The following ICA1L variants were observed in gnomAD, a reference collection of about 807,000 sequenced individuals.
ICA1L encodes the protein islet cell autoantigen 1-like protein.
In ICA1L, 50 loss-of-function variants were observed where a neutral mutation model predicts 61.3. That is an observed-to-expected ratio of 0.82 (90% CI 0.65 to 1.03). The LOEUF (loss-of-function observed/expected upper bound fraction) is 1.03, where lower values mean the gene tolerates loss of function less well. Among genes scored for constraint, ICA1L ranks in the 50% least tolerant of loss-of-function variants. The pLI is 0.00. For missense variants in ICA1L, 508 were observed against 556.7 expected (o/e 0.91, Z 0.88); for synonymous variants, 161 against 191.3 (o/e 0.84, Z 1.31).
chr2:202,801,712 G>A lies in ICA1L; in HGVS notation c.911-4748C>T, dbSNP rs141140032. 3.3e-3 allele frequency among the ~76,000 whole-genome samples: 497 copies of A among 152,318 alleles called. 3 individuals carry two copies. Among genetic ancestry groups the A allele is most frequent in the African/African-American group, 0.011 (464 of 41,570 alleles). On this transcript the variant is annotated intron_variant, in intron 9 of 12. Coordinates refer to ENST00000358299, the MANE Select transcript of ICA1L (RefSeq NM_001288622.3). The stretch of plus-strand genomic sequence containing the variant: ...GAGCTAGGAAAGAGAAGCAGCAAGC[G>A]AAGAAGAAAGGCAGGTGTGCTGTGG...
At chr2:202,795,474 A>G (rs186833178) in intron 10 of ICA1L, among the ~76,000 whole-genome samples, 8 of 152,230 alleles carry the variant, frequency 5.3e-5, no homozygotes, top group African/African-American at 1.9e-4. Flanking sequence ...GGATGCCTGT[A>G]ATCCCAGCTA....
chr2:202,798,237 T>C (rs1406906498), intron 9 of ICA1L, among the ~76,000 whole-genome samples: 1 of 151,404 alleles, frequency 6.6e-6, no homozygotes, highest in Non-Finnish European at 1.5e-5. Flanking sequence ...TATGCTTTAC[T>C]TTTTTTTTGA....
At position 202,795,510 on chromosome 2, in the gene ICA1L, G is replaced by A. The variant is rs370214793; in HGVS notation, c.985+1380C>T. ...CTTGGGAGGCTGAGGCAGGAGAATCGCTTGAACCTGGGAGGCAGAGGTTGC... is the reference window on the plus strand; with the variant it reads ...CTTGGGAGGCTGAGGCAGGAGAATCACTTGAACCTGGGAGGCAGAGGTTGC... On this transcript the variant is annotated intron_variant, in intron 10 of 12. Coordinates refer to ENST00000358299, the MANE Select transcript of ICA1L (RefSeq NM_001288622.3). 1.3e-4 allele frequency among the ~76,000 whole-genome samples: 20 copies of A among 151,576 alleles called. 2 individuals carry two copies. Among genetic ancestry groups the A allele is most frequent in the Admixed American group, 6.6e-4 (10 of 15,204 alleles).
chr2:202,788,925 T>C lies in ICA1L; in HGVS notation c.1148A>G (p.Glu383Gly), dbSNP rs2105821680. The change falls in exon 11 of 13, where the codon GAG becomes GGG. Residue 383 changes from glutamate (E) to glycine (G), a missense_variant. Physicochemically the swap from Glu to Gly is moderately conservative, Grantham distance 98. Transcript: ENST00000358299. ...GSPSASLTSQ[E>G]PSMGSEPLAH... Reference sequence around the variant, plus strand: ...GAGGGGCTCAGACCCCATGGAAGGCTCCTGGGATGTGAGACTGGCACTGGG... The same window carrying C: ...GAGGGGCTCAGACCCCATGGAAGGCCCCTGGGATGTGAGACTGGCACTGGG... 6.2e-7 allele frequency: 1 copy of C among 1,613,894 alleles called. No individual in the cohort carries two copies. The highest frequency in any genetic ancestry group is 2.2e-5 in the East Asian group (1 of 44,874).
intron 9 of ICA1L, among the ~76,000 whole-genome samples, chr2:202,805,304 TA>T (rs1256804552): frequency 2.6e-5 from 4 of 152,304 alleles, no homozygotes; most frequent in African/African-American, 9.6e-5. Context: ...AGTAATAAAT[TA>T]AAAATCACTG....
Position 202,799,549 on chromosome 2 carries a change from T to C in ICA1L, c.911-2585A>G, listed in dbSNP as rs765141951. ...CTGGAAGAACAGTTTGCAAATATTTTATCCCATTGAAGAGATTGTAGCTAC... is the reference window on the plus strand; with the variant it reads ...CTGGAAGAACAGTTTGCAAATATTTCATCCCATTGAAGAGATTGTAGCTAC... On this transcript the variant is annotated intron_variant, in intron 9 of 12. Coordinates refer to ENST00000358299, the MANE Select transcript of ICA1L (RefSeq NM_001288622.3). Among the ~76,000 whole-genome samples the C allele has an allele frequency of 9.2e-5, 14 of 152,368 alleles. 1 individual carries two copies. The highest frequency in any genetic ancestry group is 9.1e-4 in the Admixed American group (14 of 15,304).
At position 202,825,738 on chromosome 2, in the gene ICA1L, A is replaced by G; in HGVS notation, c.192T>C (p.Thr64=). ...ATTTCTCGATTATCTTCAGAAGTTC[A>G]GTGCATGTCTCTTGAACAGAGTGAA... ...EVFHSVQETC[T]ELLKIIEKYQ... The change falls in exon 3 of 13, where the codon ACT becomes ACC. Residue 64 remains threonine, a synonymous_variant. Transcript: ENST00000358299. The G allele has an allele frequency of 6.3e-7, 1 of 1,586,398 alleles. No individual in the cohort carries two copies. Among genetic ancestry groups the G allele is most frequent in the Non-Finnish European group, 8.6e-7 (1 of 1,158,254 alleles).
intron 10 of ICA1L, among the ~76,000 whole-genome samples, chr2:202,795,878 C>T (rs1486503712): frequency 6.6e-6 from 1 of 151,760 alleles, no homozygotes; most frequent in Non-Finnish European, 1.5e-5. Context: ...CCCATCTCTA[C>T]TAAAAATACA....
intron 8 of ICA1L, among the ~76,000 whole-genome samples, chr2:202,812,554 G>C (rs1574346143): frequency 6.6e-6 from 1 of 152,040 alleles, no homozygotes; most frequent in Non-Finnish European, 1.5e-5. Context: ...TCTAGCCTGG[G>C]TGACAGGGCA....
intron 10 of ICA1L, among the ~76,000 whole-genome samples, chr2:202,793,319 T>C (rs1333051416): frequency 6.6e-6 from 1 of 151,282 alleles, no homozygotes; most frequent in East Asian, 1.9e-4. Context: ...AAAACACACA[T>C]GTACAAGAAA....
At chr2:202,863,734 G>C (rs894149495) in intron 1 of ICA1L, among the ~76,000 whole-genome samples, 9 of 151,602 alleles carry the variant, frequency 5.9e-5, no homozygotes, top group African/African-American at 2.2e-4. Flanking sequence ...GGCTGAGGCA[G>C]GAGAATGGCA....
intron 9 of ICA1L, among the ~76,000 whole-genome samples, chr2:202,806,265 A>C (rs1437037831): frequency 1.3e-5 from 2 of 152,172 alleles, no homozygotes; most frequent in Non-Finnish European, 2.9e-5. Context: ...GCTCAGCCAC[A>C]GTAGGATAGG....
intron 1 of ICA1L, among the ~76,000 whole-genome samples, chr2:202,859,630 G>A (rs904926558): frequency 2.6e-5 from 4 of 152,064 alleles, no homozygotes; most frequent in African/African-American, 9.7e-5. Flanking sequence ...CCCACACTAA[G>A]CAGGTAAGTT....
chr2:202,811,842 T>C (rs1693388457), intron 8 of ICA1L, 53 bp from the exon 9 acceptor site: 1 of 1,281,812 alleles, frequency 7.8e-7, no homozygotes, highest in Non-Finnish European at 1.1e-6. Context: ...ACACTTGTGA[T>C]TCATATTCCC....
intron 10 of ICA1L, among the ~76,000 whole-genome samples, chr2:202,791,405 T>G (rs545424065): frequency 8.0e-4 from 122 of 152,330 alleles, no homozygotes; most frequent in Admixed American, 2.1e-3. Context: ...CTCTTACAAC[T>G]TAATAAGATA....
chr2:202,861,913 C>T (rs1254415570), intron 1 of ICA1L, among the ~76,000 whole-genome samples: 6 of 138,070 alleles, frequency 4.3e-5, no homozygotes, highest in Non-Finnish European at 1.6e-5. Flanking sequence ...AAAGTGAAAC[C>T]ATGAAAGTTT....
chr2:202,857,973 G>A (rs1023436411), intron 1 of ICA1L, among the ~76,000 whole-genome samples: 2 of 152,178 alleles, frequency 1.3e-5, no homozygotes, highest in African/African-American at 2.4e-5. Flanking sequence ...GGAAACAACA[G>A]ATGCTGGAGA....
chr2:202,871,497 G>A (rs1687714735), intron 1 of ICA1L, 122 bp downstream of exon 1: 1 of 152,044 alleles, frequency 6.6e-6, no homozygotes, highest in Admixed American at 6.5e-5. Flanking sequence ...GCGCGCGTGT[G>A]GCCGGAGCCT....
Position 202,778,098 on chromosome 2 carries a change from T to A in ICA1L, c.*1435A>T, listed in dbSNP as rs1692282069. 6.6e-6 allele frequency: 1 copy of A among 152,012 alleles called. No homozygotes were observed. Among genetic ancestry groups the A allele is most frequent in the Non-Finnish European group, 1.5e-5 (1 of 68,040 alleles). 9.4% of individuals were successfully genotyped at this position (152,012 alleles called of 1,614,324 possible). A position where few individuals can be genotyped will look rare whatever the true frequency, so the allele number is the denominator to read the frequency against. ...GGTTTCACCATGTTAGCCAGGATGG[T>A]CTCCATCTCCTGACCTCGTGATCCG... On this transcript the variant is annotated 3_prime_UTR_variant, in exon 13 of 13. Coordinates refer to ENST00000358299, the MANE Select transcript of ICA1L (RefSeq NM_001288622.3).
Sources: gnomAD v4.1 joint callset for allele counts (sites outside exome capture counted in the v4.1 genomes callset) on GRCh38, gnomAD v4.1.1 for gene constraint, MANE v1.5 for transcripts, NCBI Gene and HGNC (gene_info 2026-07-23, HGNC 2026-07-21) for gene names.